The following SAMMSON variants were observed in gnomAD, a reference collection of about 807,000 sequenced individuals.
SAMMSON encodes the protein long intergenic non-protein coding RNA 1212.
chr3:70,305,991 A>G (rs1702396149), intron 7 of SAMMSON, among the ~76,000 whole-genome samples: 2 of 152,184 alleles, frequency 1.3e-5, no homozygotes, highest in Admixed American at 1.3e-4. Context: ...TCTGATAACC[A>G]TGATAACCAG....
At chr3:70,429,534 T>C (rs571571956) in intron 2 of SAMMSON, among the ~76,000 whole-genome samples, 4 of 152,354 alleles carry the variant, frequency 2.6e-5, no homozygotes, top group African/African-American at 7.2e-5. Context: ...GGGGATAGCA[T>C]TGAATCTATA....
At chr3:70,383,596 G>C (rs1292919795) in intron 9 of SAMMSON, among the ~76,000 whole-genome samples, 1 of 151,790 alleles carries the variant, frequency 6.6e-6, no homozygotes, top group African/African-American at 2.4e-5. Context: ...AATTCCTCCT[G>C]GAGTTTCAAC....
chr3:70,356,300 C>T (rs559611270), intron 8 of SAMMSON, among the ~76,000 whole-genome samples: 1 of 152,020 alleles, frequency 6.6e-6, no homozygotes, highest in Non-Finnish European at 1.5e-5. Context: ...ACCCCAAATC[C>T]AGCAATGACA....
chr3:70,065,066 A>T (rs149175026), intron 3 of SAMMSON, among the ~76,000 whole-genome samples: 2 of 152,166 alleles, frequency 1.3e-5, no homozygotes, highest in African/African-American at 4.8e-5. Flanking sequence ...AAAGAAGAAG[A>T]CTCAAAGTTG....
chr3:70,362,814 T>C (rs1029108136), intron 9 of SAMMSON, among the ~76,000 whole-genome samples: 2 of 151,768 alleles, frequency 1.3e-5, no homozygotes, highest in African/African-American at 4.8e-5. Context: ...CTTTTTTTTT[T>C]TTTTTTTCTC....
chr3:70,099,806 T>A (rs753620016), intron 4 of SAMMSON, among the ~76,000 whole-genome samples: 10 of 152,160 alleles, frequency 6.6e-5, no homozygotes, highest in Non-Finnish European at 1.3e-4. Flanking sequence ...CTGGTTAACA[T>A]TTATTACTTT....
intron 9 of SAMMSON, chr3:70,389,488 G>A (rs147709160): frequency 9.2e-5 from 14 of 152,164 alleles, no homozygotes; most frequent in African/African-American, 3.4e-4. Context: ...TCATTAATCT[G>A]TTTAATATCC....
At chr3:70,012,159 G>A (rs2066959061) in intron 1 of SAMMSON, among the ~76,000 whole-genome samples, 1 of 152,120 alleles carries the variant, frequency 6.6e-6, no homozygotes, top group Non-Finnish European at 1.5e-5. Context: ...TTATTTTCAA[G>A]CAGCAGTGTC....
chr3:70,302,132 C>G (rs138778589), intron 7 of SAMMSON, among the ~76,000 whole-genome samples: 33 of 152,158 alleles, frequency 2.2e-4, no homozygotes, highest in African/African-American at 7.7e-4. Flanking sequence ...CTGTCATTGC[C>G]CTTGCTTTTC....
At chr3:70,099,109 A>AT (rs1403860551) in intron 4 of SAMMSON, among the ~76,000 whole-genome samples, 1 of 152,178 alleles carries the variant, frequency 6.6e-6, no homozygotes, top group Non-Finnish European at 1.5e-5. Context: ...CTTTTGTGCT[A>AT]TTTCCTTTTG....
chr3:70,286,131 C>T (rs909297670), intron 6 of SAMMSON, among the ~76,000 whole-genome samples: 8 of 152,196 alleles, frequency 5.3e-5, no homozygotes, highest in African/African-American at 1.7e-4. Flanking sequence ...GAAGTCCTTG[C>T]CCATGCCTAT....
chr3:70,366,922 A>G (rs1702925284), intron 9 of SAMMSON, among the ~76,000 whole-genome samples: 1 of 151,582 alleles, frequency 6.6e-6, no homozygotes, highest in Admixed American at 6.6e-5. Context: ...TTTCTTAGTG[A>G]CAAATGAGGT....
At chr3:70,022,217 G>C (rs1291328130) in intron 3 of SAMMSON, among the ~76,000 whole-genome samples, 2 of 140,278 alleles carry the variant, frequency 1.4e-5, no homozygotes, top group East Asian at 4.3e-4. Context: ...ATGACAACGT[G>C]ATATTCCAAC....
intron 3 of SAMMSON, among the ~76,000 whole-genome samples, chr3:70,048,482 T>C (rs1472073891): frequency 6.6e-6 from 1 of 152,104 alleles, no homozygotes; most frequent in East Asian, 1.9e-4. Flanking sequence ...AAAATGATCA[T>C]TATTAGGCAC....
intron 3 of SAMMSON, chr3:70,014,155 A>G (rs1419295518): frequency 1.3e-5 from 2 of 152,132 alleles, no homozygotes; most frequent in South Asian, 2.1e-4. Flanking sequence ...GACCCTTACT[A>G]TCTACTATTT....
chr3:70,202,160 C>T (rs533132377), intron 4 of SAMMSON, among the ~76,000 whole-genome samples: 41 of 152,108 alleles, frequency 2.7e-4, no homozygotes, highest in Non-Finnish European at 5.6e-4. Context: ...GACTAGTGGT[C>T]TATCTGGTAA....
intron 4 of SAMMSON, among the ~76,000 whole-genome samples, chr3:70,163,442 T>C (rs1459300992): frequency 6.6e-6 from 1 of 151,602 alleles, no homozygotes; most frequent in East Asian, 1.9e-4. Context: ...TTTAGATTAA[T>C]ATTAGCTTAC....
chr3:70,372,639 C>T (rs1702980156), intron 9 of SAMMSON, among the ~76,000 whole-genome samples: 1 of 152,156 alleles, frequency 6.6e-6, no homozygotes, highest in Non-Finnish European at 1.5e-5. Context: ...TTTACATATT[C>T]TAGATGCTGG....
intron 7 of SAMMSON, among the ~76,000 whole-genome samples, chr3:70,310,164 A>G (rs1702441824): frequency 2.0e-5 from 3 of 152,072 alleles, no homozygotes; most frequent in Non-Finnish European, 4.4e-5. Flanking sequence ...GACCTTTTCA[A>G]AAAAAGAAGT....
Sources: allele counts gnomAD v4.1 joint callset (sites outside exome capture counted in the v4.1 genomes callset), GRCh38; gene constraint gnomAD v4.1.1; transcripts MANE v1.5; gene names NCBI Gene and HGNC (gene_info 2026-07-23, HGNC 2026-07-21).